The following MYO1E variants were observed in gnomAD, a reference collection of about 807,000 sequenced individuals.
MYO1E encodes the protein unconventional myosin-Ie.
In MYO1E, 68 loss-of-function variants were observed where a neutral mutation model predicts 151.1. The observed-to-expected ratio is 0.45, with a 90% CI of 0.37 to 0.55. MYO1E has a LOEUF of 0.55. MYO1E is among the 20% of genes least tolerant of loss of function. MYO1E has a pLI of 0.00. For missense variants in MYO1E, 1,363 were observed against 1,389.3 expected (o/e 0.98, Z 0.30); for synonymous variants, 601 against 501.7 (o/e 1.20, Z -2.64).
In MYO1E at chr15:59,227,485, CTCCTGGG is replaced by C; in HGVS notation, c.609_615del (p.Asn203LysfsTer34). ...TGGTAAAATATGTGAAAACTCCGCT[CTCCTGGG>C]TTCCTCATCACCACCCTAGATTTTT... On this transcript the variant is annotated frameshift_variant, in exon 7 of 28. Coordinates refer to ENST00000288235, the MANE Select transcript of MYO1E (RefSeq NM_004998.4). LOFTEE classifies it high-confidence loss of function. 6.2e-7 allele frequency: 1 copy of C among 1,614,166 alleles called. No individual in the cohort carries two copies. Among genetic ancestry groups the C allele is most frequent in the Non-Finnish European group, 8.5e-7 (1 of 1,180,016 alleles).
intron 1 of MYO1E, among the ~76,000 whole-genome samples, chr15:59,357,151 C>T (rs370493376): frequency 1.3e-5 from 2 of 151,956 alleles, no homozygotes; most frequent in East Asian, 3.9e-4. Flanking sequence ...GGTGATCCAC[C>T]CACCTCAGCC....
Position 59,224,810 on chromosome 15 carries a change from G to A in MYO1E, c.656C>T (p.Ala219Val). The change falls in exon 8 of 28, where the codon GCC (alanine) becomes GTC (valine). Residue 219 changes from alanine to valine, a missense_variant. Transcript: ENST00000288235. Reference protein sequence around the residue: ...FHIFYQLIEGASAEQKHSLGI... With the variant: ...FHIFYQLIEGVSAEQKHSLGI... ...AAGGCTGTGTTTCTGCTCTGCAGAG[G>A]CGCCCTCGATGAGCTGGAGCAAGAG... The A allele has an allele frequency of 1.2e-6, 2 of 1,614,202 alleles. No homozygotes were observed. The highest frequency in any genetic ancestry group is 1.7e-6 in the Non-Finnish European group (2 of 1,180,020).
chr15:59,243,406 G>A (rs2080111705), intron 4 of MYO1E, among the ~76,000 whole-genome samples: 1 of 152,154 alleles, frequency 6.6e-6, no homozygotes, highest in Non-Finnish European at 1.5e-5. Flanking sequence ...TGCTTTACAT[G>A]TGTCAATCAC....
chr15:59,334,225 G>A (rs2080714857), intron 1 of MYO1E, among the ~76,000 whole-genome samples: 1 of 152,144 alleles, frequency 6.6e-6, no homozygotes, highest in Non-Finnish European at 1.5e-5. Context: ...AGGCTGCAGT[G>A]AACCATGATT....
intron 1 of MYO1E, among the ~76,000 whole-genome samples, chr15:59,289,046 G>A (rs1196554563): frequency 6.6e-6 from 1 of 152,150 alleles, no homozygotes; most frequent in African/African-American, 2.4e-5. Context: ...CTGGCCTATC[G>A]ATTAAGCAGT....
chr15:59,336,581 C>T (rs1387661189), intron 1 of MYO1E, among the ~76,000 whole-genome samples: 1 of 151,122 alleles, frequency 6.6e-6, no homozygotes, highest in African/African-American at 2.5e-5. Context: ...CATAGTACAC[C>T]CCTGGTCTTT....
intron 4 of MYO1E, among the ~76,000 whole-genome samples, chr15:59,245,638 G>GCA (rs1438158006): frequency 6.6e-6 from 1 of 152,188 alleles, no homozygotes; most frequent in East Asian, 1.9e-4. Context: ...AGTAGAAACA[G>GCA]CACCAAATGG....
Position 59,217,923 on chromosome 15 carries a change from G to A in MYO1E, c.1075C>T (p.Leu359=), listed in dbSNP as rs748444843. The change falls in exon 10 of 28, where the codon CTG becomes TTG. Residue 359 remains leucine, a synonymous_variant. Coordinates refer to ENST00000288235, the MANE Select transcript of MYO1E (RefSeq NM_004998.4). ...CYTRDALAKA[L]HARVFDFLVD... ...AAGAAATCAAAGACCCGGGCGTGCA[G>A]GGCCTTGGCGAGCGCATCCCGGGTG... is the stretch of plus-strand genomic sequence containing the variant. The A allele has an allele frequency of 1.9e-6, 3 of 1,614,080 alleles. No homozygotes were observed. The highest frequency in any genetic ancestry group is 2.5e-6 in the Non-Finnish European group (3 of 1,180,050).
intron 16 of MYO1E, 135 bp downstream of exon 16, chr15:59,202,191 T>A: frequency 1.3e-6 from 1 of 747,654 alleles, no homozygotes; most frequent in Non-Finnish European, 2.3e-6. Flanking sequence ...CAAGCAGCGA[T>A]GTTACTTCTG....
At chr15:59,213,139 A>ATTTAT (rs377633115) in intron 12 of MYO1E, among the ~76,000 whole-genome samples, 597 of 26,080 alleles carry the variant, frequency 0.023, 1 homozygote, top group East Asian at 0.093. Flanking sequence ...CTATTTATTT[A>ATTTAT]TTATTATTAT....
intron 26 of MYO1E, among the ~76,000 whole-genome samples, chr15:59,141,115 A>T (rs1396426469): frequency 6.6e-6 from 1 of 152,174 alleles, no homozygotes; most frequent in East Asian, 1.9e-4. Context: ...ACCAGACGTC[A>T]TGTGACTTCT....
At chr15:59,150,698 C>T (rs1342345646) in intron 26 of MYO1E, among the ~76,000 whole-genome samples, 1 of 152,148 alleles carries the variant, frequency 6.6e-6, no homozygotes, top group Admixed American at 6.5e-5. Flanking sequence ...TTCACCTTCA[C>T]ATGGAGGCTT....
chr15:59,273,312 TACGTGA>T (rs1259519955), intron 1 of MYO1E, among the ~76,000 whole-genome samples: 2 of 152,222 alleles, frequency 1.3e-5, no homozygotes, highest in Non-Finnish European at 2.9e-5. Flanking sequence ...TGTGTTCAGC[TACGTGA>T]CAAGTTCTTA....
chr15:59,150,981 T>TGG (rs34064515), intron 26 of MYO1E, among the ~76,000 whole-genome samples: 2 of 149,622 alleles, frequency 1.3e-5, no homozygotes, highest in African/African-American at 2.5e-5. Context: ...TACCCAAGAC[T>TGG]GGGGGGTAGT....
In MYO1E at chr15:59,163,101, G is replaced by A. The variant is rs1236279778; in HGVS notation, c.2627+56C>T. ...GCCCCATCCTGAATCGCAGGGGTGC[G>A]ATCAAGACCCCTTTTTAGCTACACG... On this transcript the variant is annotated intron_variant, in intron 23 of 27. Transcript: ENST00000288235. 68 of 1,596,116 alleles carry A rather than the reference G, an allele frequency of 4.3e-5. 1 individual carries two copies. In the Admixed American group the frequency reaches 8.2e-4, roughly 19 times the overall value.
At chr15:59,262,522 G>A (rs966785320) in intron 2 of MYO1E, among the ~76,000 whole-genome samples, 3 of 152,114 alleles carry the variant, frequency 2.0e-5, no homozygotes, top group African/African-American at 4.8e-5. Context: ...CAGCTACTGG[G>A]CAGGCTGAGG....
At chr15:59,164,586 G>C (rs1286230742) in intron 22 of MYO1E, among the ~76,000 whole-genome samples, 1 of 152,190 alleles carries the variant, frequency 6.6e-6, no homozygotes, top group Non-Finnish European at 1.5e-5. Context: ...CTGAGCTGTG[G>C]AGAATCTTTG....
chr15:59,371,824 G>A (rs2080946785), intron 1 of MYO1E, among the ~76,000 whole-genome samples: 1 of 151,530 alleles, frequency 6.6e-6, no homozygotes, highest in African/African-American at 2.4e-5. Flanking sequence ...CACAGGTCCG[G>A]GGCGGCGTGG....
chr15:59,173,741 C>A lies in MYO1E; in HGVS notation c.2334+5G>T. 2 of 1,614,032 alleles carry A rather than the reference C, an allele frequency of 1.2e-6. No homozygotes were observed. The highest frequency in any genetic ancestry group is 2.2e-5 in the South Asian group (2 of 91,080). On this transcript the variant is annotated splice_donor_5th_base_variant and intron_variant, in intron 21 of 27. Transcript: ENST00000288235. ...TGATCTCAGAGGCAGGCAGTTAGCA[C>A]GTACCTTGAACCTCCTGTCATACTT...
Sources: gnomAD v4.1 joint callset for allele counts (sites outside exome capture counted in the v4.1 genomes callset) on GRCh38, gnomAD v4.1.1 for gene constraint, MANE v1.5 for transcripts, NCBI Gene and HGNC (gene_info 2026-07-23, HGNC 2026-07-21) for gene names.